The following STAT2 variants were observed in gnomAD, a reference collection of about 807,000 sequenced individuals.
STAT2 encodes signal transducer and activator of transcription 2.
STAT2 carries 51 observed loss-of-function variants against 122.3 expected under a neutral mutation model. The ratio of observed to expected loss-of-function variants is 0.42; its 90% CI spans 0.33 to 0.53. STAT2 has a LOEUF of 0.53. Ranked by LOEUF, STAT2 falls within the 20% of genes least tolerant of loss-of-function variation. The pLI, the probability that STAT2 is intolerant of heterozygous loss-of-function variation, is 0.10. For missense variants in STAT2, 736 were observed against 1,010.3 expected (o/e 0.73, Z 3.68); for synonymous variants, 351 against 394.9 (o/e 0.89, Z 1.32).
chr12:56,343,818 C>T lies in STAT2; in HGVS notation c.2413+7G>A. 6.2e-7 allele frequency: 1 copy of T among 1,613,620 alleles called. No individual in the cohort carries two copies. On this transcript the variant is annotated splice_region_variant and intron_variant, in intron 23 of 23. Transcript: ENST00000314128. Reference sequence around the variant, plus strand: ...GCCATCTTCCATAGCTCCATCTCATCACTTACTTTCCATTGGCTCAGTGTT... The same window carrying T: ...GCCATCTTCCATAGCTCCATCTCATTACTTACTTTCCATTGGCTCAGTGTT...
In STAT2 at chr12:56,344,154, A is replaced by G. The variant is rs746384106; in HGVS notation, c.2103-19T>C. 53 of 1,543,402 alleles carry G rather than the reference A, an allele frequency of 3.4e-5. No homozygotes were observed. The East Asian group carries it at 1.2e-3, about 34-fold the overall frequency. The stretch of plus-strand genomic sequence containing the variant: ...CACCTGTCTGGATACCCAAAGACAG[A>G]CAAAGGGGCAGGGCTCAGTGGTTCA... On this transcript the variant is annotated intron_variant, in intron 22 of 23. Coordinates refer to ENST00000314128, the MANE Select transcript of STAT2 (RefSeq NM_005419.4).
At chr12:56,346,673 C>T (rs1246755448) in intron 20 of STAT2, 49 bp from the exon 21 acceptor site, 1 of 1,608,416 alleles carries the variant, frequency 6.2e-7, no homozygotes, top group South Asian at 1.1e-5. Flanking sequence ...GAGGCCGGGC[C>T]TTGGAGCTCT....
rs376716964 is a variant in STAT2, at chr12:56,343,452, C to T, written c.2493G>A (p.Glu831=). 6 of 1,614,104 alleles carry T rather than the reference C, an allele frequency of 3.7e-6. No homozygotes were observed. The highest frequency in any genetic ancestry group is 3.3e-5 in the Admixed American group (2 of 59,998). Residue 831 remains glutamate, a synonymous_variant, in exon 24 of 24, where the codon GAG becomes GAA. Transcript: ENST00000314128. ...PLLAGQNTVD[E]VYVSRPSHFY... is the part of the protein sequence containing the mutation. ...AGTGGCTGGGGCGGGAGACGTAAAC[C>T]TCATCCACGGTGTTCTGGCCAGCCA...
intron 5 of STAT2, 28 bp from the exon 6 acceptor site, chr12:56,355,379 G>C (rs369815476): frequency 6.2e-7 from 1 of 1,613,956 alleles, no homozygotes; most frequent in African/African-American, 1.3e-5. Flanking sequence ...CCCCGATGAG[G>C]CTGCTTCTCA....
Position 56,346,641 on chromosome 12 carries a change from G to C in STAT2, c.1862-17C>G. The C allele has an allele frequency of 7.4e-6, 12 of 1,613,248 alleles. No individual in the cohort carries two copies. The highest frequency in any genetic ancestry group is 1.0e-5 in the Non-Finnish European group (12 of 1,179,486). On this transcript the variant is annotated splice_polypyrimidine_tract_variant and intron_variant, in intron 20 of 23. Coordinates refer to ENST00000314128, the MANE Select transcript of STAT2 (RefSeq NM_005419.4). ...GCACCTTGTCTGGAGAGTGAATGCA[G>C]GAACAGGCGGGCTTGAGGGAAGAGG... is the stretch of plus-strand genomic sequence containing the variant.
rs2136041979 is a variant in STAT2, at chr12:56,346,185, C to T, written c.2063G>A (p.Arg688Lys). ...AATGAGCCTGTGTTTCAGGTATTTC[C>T]TCCGTTCCTGGAGATTAACTGTGAG... is the stretch of plus-strand genomic sequence containing the variant. The part of the protein sequence containing the change: ...YQEKVNLQER[R>K]KYLKHRLIVV... Residue 688 changes from arginine to lysine, a missense_variant, in exon 22 of 24, where the codon AGG (arginine) becomes AAG (lysine). By Grantham distance (26) the Arg-to-Lys change is conservative. Transcript: ENST00000314128. 1 of 1,614,184 alleles carries T rather than the reference C, an allele frequency of 6.2e-7. No homozygotes were observed. The highest frequency in any genetic ancestry group is 2.2e-5 in the East Asian group (1 of 44,886).
At position 56,355,731 on chromosome 12, in the gene STAT2, T is replaced by G. The variant is rs1391968116; in HGVS notation, c.358A>C (p.Ile120Leu). The G allele has an allele frequency of 6.2e-7, 1 of 1,614,104 alleles. No individual in the cohort carries two copies. The highest frequency in any genetic ancestry group is 1.3e-5 in the African/African-American group (1 of 75,012). The change falls in exon 4 of 24, where the codon ATC becomes CTC. Residue 120 changes from isoleucine to leucine, a missense_variant. Transcript: ENST00000314128. ...ACCAATTGGGCCCTCTGAGCCTGGA[T>G]CAAAATTCTTTTTTCTTCCAGAAGG... ...NLLLEEKRIL[I>L]QAQRAQLEQG... is the part of the protein sequence containing the mutation.
At chr12:56,359,574 C>T (rs563502412) in intron 1 of STAT2, among the ~76,000 whole-genome samples, 17 of 152,272 alleles carry the variant, frequency 1.1e-4, no homozygotes, top group Non-Finnish European at 2.2e-4. Context: ...AATTTTTTCT[C>T]ATTATCTCTC....
chr12:56,353,995 C>CAAAAAAAAAAAAAAA (rs1187550270), intron 8 of STAT2, among the ~76,000 whole-genome samples: 1 of 12,776 alleles, frequency 7.8e-5, no homozygotes, highest in African/African-American at 3.3e-4. Flanking sequence ...GACTCCGTCT[C>CAAAAAAAAAAAAAAA]AAAAAAAAAA....
rs1877469977 is a variant in STAT2 at position 56,346,425 on chromosome 12, A to T, written c.2044+17T>A. ...GATCTCTGCAATCTAGCAATGAAGTATGTCAACGATTCCCACCTTTCTCCT... is the reference window on the plus strand; with the variant it reads ...GATCTCTGCAATCTAGCAATGAAGTTTGTCAACGATTCCCACCTTTCTCCT... On this transcript the variant is annotated intron_variant, in intron 21 of 23. Transcript: ENST00000314128. 2 of 1,613,884 alleles carry T rather than the reference A, an allele frequency of 1.2e-6. No individual in the cohort carries two copies. Among genetic ancestry groups the T allele is most frequent in the African/African-American group, 2.7e-5 (2 of 74,916 alleles).
chr12:56,345,934 C>G (rs1565648047), intron 22 of STAT2, among the ~76,000 whole-genome samples: 1 of 151,734 alleles, frequency 6.6e-6, no homozygotes, highest in Non-Finnish European at 1.5e-5. Flanking sequence ...CCAGAAAAAA[C>G]TAGAGTGGGC....
chr12:56,349,214 T>A lies in STAT2; in HGVS notation c.1389A>T (p.Ser463=), dbSNP rs374659985. 5 of 1,613,962 alleles carry A rather than the reference T, an allele frequency of 3.1e-6. No individual in the cohort carries two copies. The highest frequency in any genetic ancestry group is 1.3e-5 in the African/African-American group (1 of 74,872). The change falls in exon 16 of 24, where the codon TCA becomes TCT. Residue 463 remains serine, a synonymous_variant. Coordinates refer to ENST00000314128, the MANE Select transcript of STAT2 (RefSeq NM_005419.4). ...ACCAGAGAACTGAAGCCCAGGCAAT[T>A]GAGAGCTGGTTCATGTTGGAAATAA... The part of the protein sequence containing the change: ...VVIISNMNQL[S]IAWASVLWFN...
chr12:56,346,094 G>C (rs1565648157), intron 22 of STAT2, 52 bp downstream of exon 22: 1 of 1,613,350 alleles, frequency 6.2e-7, no homozygotes. Flanking sequence ...ACGATTCACT[G>C]AAGCAGAGCC....
chr12:56,357,894 A>G (rs1434700586), intron 1 of STAT2, among the ~76,000 whole-genome samples: 2 of 151,024 alleles, frequency 1.3e-5, no homozygotes, highest in Non-Finnish European at 3.0e-5. Flanking sequence ...TAGAGATGGG[A>G]TTTTGCCATG....
chr12:56,346,507 G>A lies in STAT2; in HGVS notation c.1979C>T (p.Pro660Leu). 1 of 1,614,202 alleles carries A rather than the reference G, an allele frequency of 6.2e-7. No homozygotes were observed. The highest frequency in any genetic ancestry group is 8.5e-7 in the Non-Finnish European group (1 of 1,180,022). The change falls in exon 21 of 24, where the codon CCA becomes CTA. Residue 660 changes from proline (P) to leucine (L), a missense_variant. Pro to Leu is a moderately conservative substitution (Grantham distance 98, BLOSUM62 -3). Transcript: ENST00000314128. Reference sequence around the variant, plus strand: ...GATTCGGGGATAGAGGAAGCGCAGTGGGTTTTCAGGTATATTCTCCTCAGT... The same window carrying A: ...GATTCGGGGATAGAGGAAGCGCAGTAGGTTTTCAGGTATATTCTCCTCAGT... ...LLTEENIPEN[P>L]LRFLYPRIPR... is the part of the protein sequence containing the mutation.
At chr12:56,348,726 C>T in intron 18 of STAT2, 26 bp downstream of exon 18, 1 of 1,614,022 alleles carries the variant, frequency 6.2e-7, no homozygotes, top group Non-Finnish European at 8.5e-7. Context: ...CTAGATCCAG[C>T]AGCTCCACAG....
intron 4 of STAT2, 60 bp downstream of exon 4, chr12:56,355,648 C>T: frequency 6.3e-7 from 1 of 1,597,062 alleles, no homozygotes; most frequent in South Asian, 1.1e-5. Flanking sequence ...CTCCCTGAGT[C>T]CTTTCCATGG....
intron 8 of STAT2, among the ~76,000 whole-genome samples, chr12:56,352,088 G>A (rs948759074): frequency 7.2e-5 from 11 of 151,844 alleles, no homozygotes; most frequent in African/African-American, 1.2e-4. Flanking sequence ...TAGTAGAGAC[G>A]GGGTTTTGCC....
chr12:56,343,328 T>C lies in STAT2; in HGVS notation c.*61A>G, dbSNP rs1312207151. ...CCTGATTCCCATCCTTGGAGAACAA[T>C]ATCATGCTATGAGGAGTAGGAAGGG... is the stretch of plus-strand genomic sequence containing the variant. On this transcript the variant is annotated 3_prime_UTR_variant, in exon 24 of 24. Coordinates refer to ENST00000314128, the MANE Select transcript of STAT2 (RefSeq NM_005419.4). The C allele has an allele frequency of 1.3e-6, 2 of 1,572,536 alleles. No homozygotes were observed. The highest frequency in any genetic ancestry group is 1.7e-6 in the Non-Finnish European group (2 of 1,155,230).
Sources: gnomAD v4.1 joint callset for allele counts (sites outside exome capture counted in the v4.1 genomes callset) on GRCh38, gnomAD v4.1.1 for gene constraint, MANE v1.5 for transcripts, NCBI Gene and HGNC (gene_info 2026-07-23, HGNC 2026-07-21) for gene names.